Variants in COL10A1 observed in about 807,000 individuals in gnomAD.
The protein encoded by COL10A1 is collagen type X alpha 1 chain.
In COL10A1, 10 loss-of-function variants were observed where a neutral mutation model predicts 18.2. The ratio of observed to expected loss-of-function variants is 0.55; its 90% CI spans 0.34 to 0.93. COL10A1 has a LOEUF of 0.93. COL10A1 is among the 40% of genes least tolerant of loss of function. The probability of loss-of-function intolerance (pLI) is 0.02; values close to 1 mark genes in which losing one functional copy is unlikely to be tolerated. For missense variants in COL10A1, 897 were observed against 853.5 expected, an observed-to-expected ratio of 1.05 and a Z score of -0.64; for synonymous variants, 330 against 316.6, an observed-to-expected ratio of 1.04 and a Z score of -0.45.
Position 116,120,899 on chromosome 6 carries a change from G to C in COL10A1, c.1217C>G (p.Pro406Arg), listed in dbSNP as rs201088230. The C allele has an allele frequency of 3.0e-5, 49 of 1,613,716 alleles. No homozygotes were observed. The highest frequency in any genetic ancestry group is 3.7e-5 in the Non-Finnish European group (44 of 1,179,910). Residue 406 changes from proline to arginine, a missense_variant, in exon 3 of 3, where the codon CCA becomes CGA. Physicochemically the swap from Pro to Arg is moderately radical, Grantham distance 103. Transcript: ENST00000651968. ...AACTCCAGGATCACCTTTTGGACCTGGTAACCCTGGGTTACCCTTAGGACC... is the reference window on the plus strand; with the variant it reads ...AACTCCAGGATCACCTTTTGGACCTCGTAACCCTGGGTTACCCTTAGGACC... ...LDGPKGNPGL[P>R]GPKGDPGVGG...
the COL10A1 span, among the ~76,000 whole-genome samples, chr6:116,194,983 A>T: frequency 3.3e-5 from 5 of 152,102 alleles, no homozygotes; most frequent in Non-Finnish European, 5.9e-5. Flanking sequence ...TACAGTGATT[A>T]TTCAAACCTA....
At chr6:116,169,647 T>A in the COL10A1 span, among the ~76,000 whole-genome samples, 2 of 152,224 alleles carry the variant, frequency 1.3e-5, no homozygotes, top group Non-Finnish European at 2.9e-5. Flanking sequence ...AGCTTTATTT[T>A]TTATTGAGAA....
At chr6:116,176,328 C>A in the COL10A1 span, among the ~76,000 whole-genome samples, 1 of 152,300 alleles carries the variant, frequency 6.6e-6, no homozygotes, top group East Asian at 1.9e-4. Flanking sequence ...TAGCAGAAGA[C>A]TGCTGTTGCT....
At chr6:116,192,636 A>G in the COL10A1 span, among the ~76,000 whole-genome samples, 1 of 152,104 alleles carries the variant, frequency 6.6e-6, no homozygotes, top group African/African-American at 2.4e-5. Flanking sequence ...GTATATTATA[A>G]AAAGTCAATA....
the COL10A1 span, among the ~76,000 whole-genome samples, chr6:116,217,120 A>G: frequency 6.6e-6 from 1 of 152,168 alleles, no homozygotes; most frequent in Non-Finnish European, 1.5e-5. Context: ...AGAAATAGTG[A>G]TGTGGCACAA....
At chr6:116,176,265 C>T in the COL10A1 span, among the ~76,000 whole-genome samples, 1 of 152,110 alleles carries the variant, frequency 6.6e-6, no homozygotes, top group Admixed American at 6.6e-5. Flanking sequence ...TTCAGCTGTC[C>T]CTGCATGCAT....
At chr6:116,162,795 A>C (rs930115483), upstream of COL10A1, among the ~76,000 whole-genome samples, 1 of 152,094 alleles carries the variant, frequency 6.6e-6, no homozygotes, top group African/African-American at 2.4e-5. Context: ...TCATAGAATG[A>C]GTTTAGGAGG....
intron 1 of COL10A1, among the ~76,000 whole-genome samples, chr6:116,155,752 TAAAA>T (rs58270869): frequency 4.4e-5 from 5 of 114,610 alleles, no homozygotes; most frequent in Admixed American, 9.0e-5. Flanking sequence ...TACTTCTCCT[TAAAA>T]AAAAAAAAAA....
At chr6:116,154,005 A>AAT (rs1780117954) in intron 1 of COL10A1, among the ~76,000 whole-genome samples, 3 of 151,852 alleles carry the variant, frequency 2.0e-5, no homozygotes, top group Admixed American at 1.3e-4. Context: ...TAGAATGTAC[A>AAT]ATACATGCCT....
At chr6:116,189,302 T>C in the COL10A1 span, among the ~76,000 whole-genome samples, 1 of 151,926 alleles carries the variant, frequency 6.6e-6, no homozygotes, top group Non-Finnish European at 1.5e-5. Context: ...GTATATTTTT[T>C]CCCTCATTTT....
chr6:116,130,425 G>A (rs994066401), upstream of COL10A1, among the ~76,000 whole-genome samples: 51 of 151,806 alleles, frequency 3.4e-4, no homozygotes, highest in Admixed American at 2.4e-3. Context: ...TGGCTCCTGA[G>A]TTCTTTTGAC....
At chr6:116,125,097 C>T (rs1779254074) in intron 2 of COL10A1, among the ~76,000 whole-genome samples, 2 of 152,180 alleles carry the variant, frequency 1.3e-5, no homozygotes, top group Admixed American at 6.5e-5. Flanking sequence ...TTTGTACACA[C>T]AAAAGTTCTG....
At chr6:116,192,237 T>TTGTATTATGAGTGAGATAATATA in the COL10A1 span, among the ~76,000 whole-genome samples, 1 of 152,004 alleles carries the variant, frequency 6.6e-6, no homozygotes, top group Non-Finnish European at 1.5e-5. Flanking sequence ...TTGGGATAAG[T>TTGTATTATGAGTGAGATAATATA]TGTATTATGA....
the COL10A1 span, among the ~76,000 whole-genome samples, chr6:116,199,992 T>G: frequency 1.1e-5 from 1 of 91,430 alleles, no homozygotes; most frequent in African/African-American, 7.8e-5. Context: ...GAGTACAGTA[T>G]GGAAAGTGGG....
chr6:116,170,708 C>A, the COL10A1 span, among the ~76,000 whole-genome samples: 2 of 152,252 alleles, frequency 1.3e-5, no homozygotes, highest in South Asian at 4.1e-4. Flanking sequence ...ACCTCCCTAC[C>A]CCAAAATTCA....
Position 116,120,281 on chromosome 6 carries a change from A to G in COL10A1, c.1835T>C (p.Val612Ala), listed in dbSNP as rs202216786. ...HVHVKGTHVW[V>A]GLYKNGTPVM... ...AGGGGTGCCATTCTTATACAGGCCTACCCAAACATGAGTCCCTTTCACATG... is the reference window on the plus strand; with the variant it reads ...AGGGGTGCCATTCTTATACAGGCCTGCCCAAACATGAGTCCCTTTCACATG... The change falls in exon 3 of 3, where the codon GTA becomes GCA. Residue 612 changes from valine to alanine, a missense_variant. Coordinates refer to ENST00000651968, the MANE Select transcript of COL10A1 (RefSeq NM_000493.4). The G allele has an allele frequency of 1.9e-5, 30 of 1,614,204 alleles. No homozygotes were observed. Among genetic ancestry groups the G allele is most frequent in the Non-Finnish European group, 2.4e-5 (28 of 1,180,038 alleles).
chr6:116,125,639 C>A, intron 1 of COL10A1, 132 bp from the exon 2 acceptor site: 1 of 731,296 alleles, frequency 1.4e-6, no homozygotes, highest in Non-Finnish European at 2.2e-6. Context: ...TAATATGTGC[C>A]ATAAATAAAT....
Position 116,119,955 on chromosome 6 carries a change from T to G in COL10A1, c.*118A>C. ...TTGTTGGTCTGATAGCTCAAATCTG[T>G]ATTTCAGAAAATAAAAATTACATTC... On this transcript the variant is annotated 3_prime_UTR_variant, in exon 3 of 3. Transcript: ENST00000651968. The G allele has an allele frequency of 1.0e-6, 1 of 989,626 alleles. No homozygotes were observed. Among genetic ancestry groups the G allele is most frequent in the Non-Finnish European group, 1.6e-6 (1 of 632,370 alleles). 61.3% of individuals were successfully genotyped at this position (989,626 alleles called of 1,614,324 possible). A position where few individuals can be genotyped will look rare whatever the true frequency, so the allele number is the denominator to read the frequency against.
At chr6:116,186,322 C>A in the COL10A1 span, among the ~76,000 whole-genome samples, 1 of 147,514 alleles carries the variant, frequency 6.8e-6, no homozygotes, top group East Asian at 2.0e-4. Context: ...TTTTCATCTT[C>A]ACTTTAGATA....
Sources: gnomAD v4.1 joint callset for allele counts (sites outside exome capture counted in the v4.1 genomes callset) on GRCh38, gnomAD v4.1.1 for gene constraint, MANE v1.5 for transcripts, NCBI Gene and HGNC (gene_info 2026-07-23, HGNC 2026-07-21) for gene names.